Variants in SNX13 observed in about 807,000 individuals in gnomAD.
SNX13 encodes sorting nexin 13.
SNX13 carries 45 observed loss-of-function variants against 133.6 expected under a neutral mutation model. That is an observed-to-expected ratio of 0.34 (90% CI 0.27 to 0.43). The LOEUF (loss-of-function observed/expected upper bound fraction) is 0.43. Ranked by LOEUF, SNX13 falls within the 20% of genes least tolerant of loss-of-function variation. The pLI, the probability that SNX13 is intolerant of heterozygous loss-of-function variation, is 1.00. For synonymous variants in SNX13, 414 were observed against 373.9 expected, an observed-to-expected ratio of 1.11 and a Z score of -1.24; for missense variants, 1,032 against 1,145.1, an observed-to-expected ratio of 0.90 and a Z score of 1.43.
chr7:17,919,315 A>G (rs765129641), intron 1 of SNX13, among the ~76,000 whole-genome samples: 6 of 152,158 alleles, frequency 3.9e-5, no homozygotes, highest in Non-Finnish European at 8.8e-5. Context: ...TAAATAACCT[A>G]CTTAGTGTTC....
chr7:17,838,526 A>AT (rs1372218791), intron 13 of SNX13, among the ~76,000 whole-genome samples: 5 of 151,556 alleles, frequency 3.3e-5, no homozygotes, highest in Non-Finnish European at 7.4e-5. Context: ...CCTTGGATTT[A>AT]TTTTTCATTT....
intron 13 of SNX13, 133 bp downstream of exon 13, chr7:17,839,674 G>C: frequency 1.5e-6 from 1 of 663,430 alleles, no homozygotes; most frequent in Non-Finnish European, 2.4e-6. Context: ...CGAGGATACA[G>C]ACAGACAGGA....
chr7:17,863,187 G>C (rs1035555508), intron 9 of SNX13, among the ~76,000 whole-genome samples: 3 of 90,804 alleles, frequency 3.3e-5, no homozygotes, highest in Non-Finnish European at 6.1e-5. Flanking sequence ...CTCGAATCCA[G>C]GTGGCTTCAC....
chr7:17,805,259 GCGCGCGC>G (rs1208256617), intron 20 of SNX13, among the ~76,000 whole-genome samples: 16 of 147,586 alleles, frequency 1.1e-4, no homozygotes, highest in African/African-American at 4.0e-4. Context: ...GTGCGTGCGC[GCGCGCGC>G]ATGCATGCAC....
At chr7:17,932,469 T>C (rs1583840457) in intron 1 of SNX13, among the ~76,000 whole-genome samples, 1 of 152,180 alleles carries the variant, frequency 6.6e-6, no homozygotes, top group East Asian at 1.9e-4. Context: ...TCACTGACAA[T>C]TTCATCTCCG....
chr7:17,799,114 A>G lies in SNX13; in HGVS notation c.2339T>C (p.Met780Thr), dbSNP rs1448228541. 1 of 1,610,258 alleles carries G rather than the reference A, an allele frequency of 6.2e-7. No individual in the cohort carries two copies. The highest frequency in any genetic ancestry group is 1.3e-5 in the African/African-American group (1 of 74,752). Residue 780 changes from methionine to threonine, a missense_variant, in exon 23 of 26, where the codon ATG becomes ACG. Met to Thr is a moderately conservative substitution (Grantham distance 81). Coordinates refer to ENST00000428135, the MANE Select transcript of SNX13 (RefSeq NM_015132.5). Reference protein sequence around the residue: ...NIPLRVMLLLMDEVFDLKERN... With the variant: ...NIPLRVMLLLTDEVFDLKERN... Reference sequence around the variant, plus strand: ...TTCTTTTAAGTCGAATACTTCATCCATGAGAAGCAGCATTACCCTAAGTGG... The same window carrying G: ...TTCTTTTAAGTCGAATACTTCATCCGTGAGAAGCAGCATTACCCTAAGTGG...
At chr7:17,872,038 G>A (rs1033046954) in intron 8 of SNX13, among the ~76,000 whole-genome samples, 1 of 152,210 alleles carries the variant, frequency 6.6e-6, no homozygotes, top group Admixed American at 6.5e-5. Flanking sequence ...TTAAAAAGCT[G>A]TGAGTCACTC....
At chr7:17,832,544 T>A in intron 15 of SNX13, 4 of 930,676 alleles carry the variant, frequency 4.3e-6, no homozygotes, top group Non-Finnish European at 5.1e-6. Flanking sequence ...AAAACTTTTA[T>A]AATAGTCATT....
At chr7:17,877,045 G>GAAAAAAAAA (rs57618763) in intron 5 of SNX13, among the ~76,000 whole-genome samples, 2 of 60,076 alleles carry the variant, frequency 3.3e-5, no homozygotes, top group African/African-American at 5.2e-5. Flanking sequence ...GTTACTTTTT[G>GAAAAAAAAA]AAAAAAAAAA....
intron 9 of SNX13, among the ~76,000 whole-genome samples, chr7:17,863,839 T>C (rs1217999944): frequency 6.6e-6 from 1 of 152,184 alleles, no homozygotes; most frequent in Non-Finnish European, 1.5e-5. Context: ...CCCTTTGTAA[T>C]TAAGAGAAAG....
At chr7:17,913,831 C>T (rs1196133924) in intron 1 of SNX13, among the ~76,000 whole-genome samples, 2 of 149,148 alleles carry the variant, frequency 1.3e-5, no homozygotes, top group Admixed American at 6.7e-5. Context: ...ACAAGAACTC[C>T]GACAATACAA....
intron 17 of SNX13, 51 bp downstream of exon 17, chr7:17,825,971 A>G: frequency 8.1e-7 from 1 of 1,239,994 alleles, no homozygotes; most frequent in Non-Finnish European, 1.1e-6. Context: ...TTATTTAGGG[A>G]TATAATAATA....
At chr7:17,931,611 T>A (rs897101063) in intron 1 of SNX13, among the ~76,000 whole-genome samples, 1 of 152,168 alleles carries the variant, frequency 6.6e-6, no homozygotes, top group African/African-American at 2.4e-5. Flanking sequence ...TTAAATGGAA[T>A]AAGAACCAAG....
At chr7:17,829,888 T>G (rs1788287809) in intron 16 of SNX13, 122 bp downstream of exon 16, 1 of 598,618 alleles carries the variant, frequency 1.7e-6, no homozygotes, top group South Asian at 4.7e-5. Context: ...CATAATAACT[T>G]TTTACAATAC....
At chr7:17,932,524 C>A (rs946469951) in intron 1 of SNX13, among the ~76,000 whole-genome samples, 1 of 152,148 alleles carries the variant, frequency 6.6e-6, no homozygotes, top group Non-Finnish European at 1.5e-5. Context: ...AAATATTCAA[C>A]ATTCATTCAT....
chr7:17,933,459 C>T (rs566129678), intron 1 of SNX13, among the ~76,000 whole-genome samples: 162 of 151,982 alleles, frequency 1.1e-3, no homozygotes, highest in African/African-American at 3.7e-3. Context: ...AAAAGAATCG[C>T]TTGAACCCGT....
At chr7:17,908,555 A>C (rs1189705264) in intron 1 of SNX13, among the ~76,000 whole-genome samples, 4 of 152,172 alleles carry the variant, frequency 2.6e-5, no homozygotes, top group Non-Finnish European at 1.5e-5. Context: ...TATATTTTTC[A>C]TTGTATTCTC....
chr7:17,808,851 C>A (rs920613673), intron 20 of SNX13, among the ~76,000 whole-genome samples: 4 of 152,012 alleles, frequency 2.6e-5, no homozygotes, highest in African/African-American at 9.7e-5. Flanking sequence ...ATATCCAGCC[C>A]AACTAAGCTT....
intron 5 of SNX13, chr7:17,888,555 T>C: frequency 2.7e-6 from 1 of 376,030 alleles, no homozygotes; most frequent in Non-Finnish European, 5.3e-6. Context: ...GACTAACCAC[T>C]TTACCTTTCT....
Sources: gnomAD v4.1 joint callset for allele counts (sites outside exome capture counted in the v4.1 genomes callset) on GRCh38, gnomAD v4.1.1 for gene constraint, MANE v1.5 for transcripts, NCBI Gene and HGNC (gene_info 2026-07-23, HGNC 2026-07-21) for gene names.